TRABD2B: variants seen among roughly 807,000 people sequenced by gnomAD.
TRABD2B encodes TraB domain containing 2B.
In TRABD2B, 14 loss-of-function variants were observed where a neutral mutation model predicts 40.1. That is an observed-to-expected ratio of 0.35 (90% CI 0.23 to 0.55). The LOEUF is 0.55. TRABD2B is among the 20% of genes least tolerant of loss of function. TRABD2B has a pLI of 0.90. For missense variants in TRABD2B, 541 were observed against 648.6 expected, an observed-to-expected ratio of 0.83 and a Z score of 1.80; for synonymous variants, 263 against 277.0, an observed-to-expected ratio of 0.95 and a Z score of 0.50.
At chr1:47,882,665 G>A (rs1337404432) in intron 2 of TRABD2B, among the ~76,000 whole-genome samples, 2 of 152,136 alleles carry the variant, frequency 1.3e-5, no homozygotes, top group Non-Finnish European at 2.9e-5. Context: ...CCAAGGCCCT[G>A]GGTTTCAGTC....
intron 2 of TRABD2B, among the ~76,000 whole-genome samples, chr1:47,835,301 T>A (rs182579908): frequency 6.6e-6 from 1 of 152,142 alleles, no homozygotes; most frequent in Non-Finnish European, 1.5e-5. Flanking sequence ...CACCATCAAG[T>A]GTACCAACAT....
chr1:47,793,436 C>T (rs1644703688), intron 4 of TRABD2B, among the ~76,000 whole-genome samples: 1 of 152,248 alleles, frequency 6.6e-6, no homozygotes. Flanking sequence ...GGCTCTTGCC[C>T]TTAAGGATGA....
At chr1:47,825,811 CT>C (rs1316672454) in intron 2 of TRABD2B, among the ~76,000 whole-genome samples, 2 of 151,756 alleles carry the variant, frequency 1.3e-5, no homozygotes, top group Non-Finnish European at 2.9e-5. Context: ...GGGAAAGCAA[CT>C]CCCTGAGGCT....
intron 2 of TRABD2B, among the ~76,000 whole-genome samples, chr1:47,840,579 G>A (rs897932532): frequency 6.6e-6 from 1 of 152,322 alleles, no homozygotes; most frequent in Non-Finnish European, 1.5e-5. Context: ...TGACAGGCCT[G>A]TCTTCAGGGT....
At chr1:47,858,975 A>C (rs951285484) in intron 2 of TRABD2B, among the ~76,000 whole-genome samples, 6 of 152,098 alleles carry the variant, frequency 3.9e-5, no homozygotes, top group Non-Finnish European at 7.4e-5. Context: ...AAATCCAGCC[A>C]CAGTTACCAC....
At chr1:47,887,355 G>A (rs1284583335) in intron 2 of TRABD2B, among the ~76,000 whole-genome samples, 3 of 151,846 alleles carry the variant, frequency 2.0e-5, no homozygotes, top group Non-Finnish European at 4.4e-5. Flanking sequence ...TCTTAACTTC[G>A]ACATGCTACT....
At chr1:47,891,639 A>G (rs1049633170) in intron 2 of TRABD2B, among the ~76,000 whole-genome samples, 1 of 152,096 alleles carries the variant, frequency 6.6e-6, no homozygotes, top group African/African-American at 2.4e-5. Context: ...TTTACAAAAA[A>G]TAATTTTTAA....
At chr1:47,970,891 C>A (rs901453170) in intron 2 of TRABD2B, among the ~76,000 whole-genome samples, 9 of 152,140 alleles carry the variant, frequency 5.9e-5, no homozygotes, top group Non-Finnish European at 2.9e-5. Context: ...TGTCTGCTAG[C>A]GTCTCACTGG....
intron 2 of TRABD2B, among the ~76,000 whole-genome samples, chr1:47,960,007 T>C (rs189730395): frequency 1.1e-3 from 168 of 152,310 alleles, no homozygotes; most frequent in African/African-American, 3.8e-3. Flanking sequence ...TCAAAAAGCT[T>C]ATCCACCACG....
chr1:47,922,991 C>T (rs1209862560), intron 2 of TRABD2B, among the ~76,000 whole-genome samples: 2 of 152,166 alleles, frequency 1.3e-5, no homozygotes, highest in African/African-American at 4.8e-5. Flanking sequence ...TCAAAGAGGA[C>T]CTCCCTTCCT....
chr1:47,860,406 C>G (rs1643949853), intron 2 of TRABD2B, among the ~76,000 whole-genome samples: 1 of 152,180 alleles, frequency 6.6e-6, no homozygotes, highest in African/African-American at 2.4e-5. Context: ...TCCTCCTTCT[C>G]TTTGTCTCTT....
chr1:47,829,400 G>T (rs944051750), intron 2 of TRABD2B, among the ~76,000 whole-genome samples: 1 of 152,098 alleles, frequency 6.6e-6, no homozygotes, highest in African/African-American at 2.4e-5. Flanking sequence ...TGAGGTTGCA[G>T]CTCAGCTCCT....
Position 47,939,639 on chromosome 1 carries a change from A to G in TRABD2B, c.666+54395T>C, listed in dbSNP as rs566869631. ...CTTGTCCTAATTCACCCAGCTCATG[A>G]GAAGCTGGGCTGGGAGTCTAACTCT... On this transcript the variant is annotated intron_variant, in intron 2 of 6. Transcript: ENST00000606738. 5.9e-5 allele frequency among the ~76,000 whole-genome samples: 9 copies of G among 152,296 alleles called. No homozygotes were observed. In the South Asian group the frequency reaches 1.9e-3, roughly 32 times the overall value.
chr1:47,897,275 C>A (rs1031881467), intron 2 of TRABD2B, among the ~76,000 whole-genome samples: 1 of 152,104 alleles, frequency 6.6e-6, no homozygotes, highest in Non-Finnish European at 1.5e-5. Flanking sequence ...GCAAGGAAGA[C>A]AACGTGGCTG....
chr1:47,777,654 G>C (rs1007431499), intron 5 of TRABD2B, among the ~76,000 whole-genome samples: 1 of 152,214 alleles, frequency 6.6e-6, no homozygotes, highest in African/African-American at 2.4e-5. Context: ...GGTACGGAGA[G>C]AGCAGTTAAT....
At chr1:47,849,078 T>A (rs143272347) in intron 2 of TRABD2B, among the ~76,000 whole-genome samples, 9 of 152,298 alleles carry the variant, frequency 5.9e-5, no homozygotes, top group South Asian at 2.1e-4. Flanking sequence ...TAATTGAGGA[T>A]CACAGCAGTT....
At chr1:47,823,591 T>G (rs1645138418) in intron 2 of TRABD2B, among the ~76,000 whole-genome samples, 1 of 152,152 alleles carries the variant, frequency 6.6e-6, no homozygotes, top group Non-Finnish European at 1.5e-5. Flanking sequence ...GCTGGGGCTG[T>G]CAGAGCAGGG....
chr1:47,827,538 A>G (rs1227778322), intron 2 of TRABD2B, among the ~76,000 whole-genome samples: 1 of 152,200 alleles, frequency 6.6e-6, no homozygotes, highest in African/African-American at 2.4e-5. Context: ...CTTCAGATTC[A>G]CAGCACCTGA....
At chr1:47,889,108 T>G (rs1644410862) in intron 2 of TRABD2B, among the ~76,000 whole-genome samples, 1 of 152,156 alleles carries the variant, frequency 6.6e-6, no homozygotes, top group Non-Finnish European at 1.5e-5. Flanking sequence ...CCACTGAAAA[T>G]GTGGGCCTAA....
Sources: gnomAD v4.1 joint callset for allele counts (sites outside exome capture counted in the v4.1 genomes callset) on GRCh38, gnomAD v4.1.1 for gene constraint, MANE v1.5 for transcripts, NCBI Gene and HGNC (gene_info 2026-07-23, HGNC 2026-07-21) for gene names.